NPAS3: variants seen among roughly 807,000 people sequenced by gnomAD.
The protein encoded by NPAS3 is neuronal PAS domain-containing protein 3.
NPAS3 carries 14 observed loss-of-function variants against 73.1 expected under a neutral mutation model. The ratio of observed to expected loss-of-function variants is 0.19; its 90% confidence interval spans 0.13 to 0.30. The LOEUF (loss-of-function observed/expected upper bound fraction) is 0.30. NPAS3 is among the 10% of genes least tolerant of loss of function. NPAS3 has a pLI of 1.00. For missense variants in NPAS3, 1,096 were observed against 1,250.0 expected, an observed-to-expected ratio of 0.88 and a Z score of 1.86; for synonymous variants, 620 against 541.5, an observed-to-expected ratio of 1.14 and a Z score of -2.01.
intron 3 of NPAS3, among the ~76,000 whole-genome samples, chr14:33,320,360 G>A (rs1380206975): frequency 6.6e-6 from 1 of 152,042 alleles, no homozygotes; most frequent in African/African-American, 2.4e-5. Context: ...GTTCTTAGAA[G>A]GATTCCAACA....
At chr14:33,057,314 A>T (rs1299139491) in intron 2 of NPAS3, among the ~76,000 whole-genome samples, 1 of 152,090 alleles carries the variant, frequency 6.6e-6, no homozygotes. Flanking sequence ...TCATCATTTT[A>T]AAAAATTCTT....
At chr14:33,299,572 A>G (rs768855292) in intron 3 of NPAS3, among the ~76,000 whole-genome samples, 17 of 143,600 alleles carry the variant, frequency 1.2e-4, no homozygotes, top group African/African-American at 4.5e-4. Context: ...ATAAAACCCT[A>G]TCTGAAATCC....
chr14:33,332,644 T>A (rs2044038315), intron 3 of NPAS3, among the ~76,000 whole-genome samples: 1 of 152,194 alleles, frequency 6.6e-6, no homozygotes, highest in Admixed American at 6.5e-5. Flanking sequence ...TTTGGATGTC[T>A]CATACTGGGA....
chr14:33,250,731 C>T (rs543544375), intron 3 of NPAS3, among the ~76,000 whole-genome samples: 52 of 151,958 alleles, frequency 3.4e-4, no homozygotes, highest in Middle Eastern at 6.8e-3. Context: ...TTTTGTTTTA[C>T]GGTTGCTCAT....
chr14:33,793,839 A>G, intron 9 of NPAS3, 58 bp from the exon 10 acceptor site: 3 of 1,544,304 alleles, frequency 1.9e-6, no homozygotes, highest in Non-Finnish European at 2.6e-6. Context: ...AAAAAAAAAA[A>G]AAAAGTTATT....
At chr14:33,530,502 AAAT>A (rs1159720247) in intron 4 of NPAS3, among the ~76,000 whole-genome samples, 1 of 152,112 alleles carries the variant, frequency 6.6e-6, no homozygotes, top group East Asian at 1.9e-4. Context: ...TGAGCCACTA[AAAT>A]ATCGCTTTGG....
At position 33,233,050 on chromosome 14, in the gene NPAS3, A is replaced by G. The variant is rs73254932; in HGVS notation, c.385+17624A>G. 1.8e-3 allele frequency among the ~76,000 whole-genome samples: 277 copies of G among 152,304 alleles called. 2 individuals are homozygous for G. The highest frequency in any genetic ancestry group is 6.6e-3 in the African/African-American group (274 of 41,578). On this transcript the variant is annotated intron_variant, in intron 3 of 11. Coordinates refer to ENST00000356141, the Ensembl canonical transcript of NPAS3. Reference sequence around the variant, plus strand: ...TGCTGATGTTAGTCATCTGATTTGCAGAGAACTAGAACTAATAACCTTTTC... The same window carrying G: ...TGCTGATGTTAGTCATCTGATTTGCGGAGAACTAGAACTAATAACCTTTTC...
rs191550675 is a variant in NPAS3, at chr14:33,472,839, G to C, written c.469-87282G>C. ...AATGTGTGCAAAGCAGAAAAAAAAA[G>C]ACATTTATTATTGATATGATTATAT... On this transcript the variant is annotated intron_variant, in intron 4 of 11. Transcript: ENST00000356141. Among the ~76,000 whole-genome samples, 49 of 150,724 alleles carry C rather than the reference G, an allele frequency of 3.3e-4. 6 individuals are homozygous for C. The highest frequency in any genetic ancestry group is 1.2e-3 in the African/African-American group (48 of 40,154).
chr14:33,271,925 A>T (rs2041106550), intron 3 of NPAS3, among the ~76,000 whole-genome samples: 1 of 152,170 alleles, frequency 6.6e-6, no homozygotes, highest in Non-Finnish European at 1.5e-5. Flanking sequence ...AGAAAAAAAA[A>T]GATCAAGCTG....
intron 5 of NPAS3, among the ~76,000 whole-genome samples, chr14:33,568,021 G>A (rs1025389848): frequency 3.3e-5 from 5 of 152,114 alleles, no homozygotes; most frequent in Admixed American, 6.5e-5. Context: ...TGTATGAATC[G>A]AAAACCTACA....
chr14:33,541,932 T>TC (rs1243986458), intron 4 of NPAS3, among the ~76,000 whole-genome samples: 2 of 152,172 alleles, frequency 1.3e-5, no homozygotes, highest in Admixed American at 1.3e-4. Flanking sequence ...AATTTTTTTT[T>TC]CTTTATAACA....
intron 3 of NPAS3, among the ~76,000 whole-genome samples, chr14:33,307,995 G>T (rs1021919268): frequency 6.6e-6 from 1 of 151,988 alleles, no homozygotes; most frequent in Non-Finnish European, 1.5e-5. Context: ...CTTGGGTCCC[G>T]CTGCAACATT....
At chr14:32,945,958 A>G (rs910663198) in intron 1 of NPAS3, among the ~76,000 whole-genome samples, 6 of 152,186 alleles carry the variant, frequency 3.9e-5, no homozygotes, top group East Asian at 3.8e-4. Context: ...TCTTCTGCTC[A>G]TATAATTCAT....
intron 8 of NPAS3, among the ~76,000 whole-genome samples, chr14:33,775,745 C>T (rs548402836): frequency 2.0e-5 from 3 of 152,256 alleles, no homozygotes; most frequent in African/African-American, 7.2e-5. Context: ...ATCGTGACAT[C>T]GTGGGTATGT....
intron 4 of NPAS3, among the ~76,000 whole-genome samples, chr14:33,516,327 A>G (rs2053295200): frequency 6.6e-6 from 1 of 152,106 alleles, no homozygotes; most frequent in Admixed American, 6.6e-5. Flanking sequence ...GTTTCAAGGG[A>G]GGCTTTTAGA....
chr14:33,473,108 A>G (rs2050861654), intron 4 of NPAS3, among the ~76,000 whole-genome samples: 1 of 152,184 alleles, frequency 6.6e-6, no homozygotes, highest in Admixed American at 6.5e-5. Flanking sequence ...GATTTTGCAG[A>G]GTAGGCCTGG....
At chr14:33,189,155 C>T (rs898596383) in intron 2 of NPAS3, among the ~76,000 whole-genome samples, 1 of 152,118 alleles carries the variant, frequency 6.6e-6, no homozygotes, top group Non-Finnish European at 1.5e-5. Context: ...AGGTCATAGG[C>T]CTAAACAATT....
intron 7 of NPAS3, among the ~76,000 whole-genome samples, chr14:33,759,690 G>C (rs1398110484): frequency 1.3e-5 from 2 of 152,158 alleles, no homozygotes; most frequent in African/African-American, 4.8e-5. Flanking sequence ...AGGCTGCGTA[G>C]TCTTTATAAC....
chr14:33,252,459 A>G (rs867222186), intron 3 of NPAS3, among the ~76,000 whole-genome samples: 1 of 151,986 alleles, frequency 6.6e-6, no homozygotes, highest in East Asian at 1.9e-4. Context: ...ACAGTGTAGT[A>G]GGTATTCTTA....
Sources: allele counts gnomAD v4.1 joint callset (sites outside exome capture counted in the v4.1 genomes callset), GRCh38; gene constraint gnomAD v4.1.1; transcripts MANE v1.5; gene names NCBI Gene and HGNC (gene_info 2026-07-23, HGNC 2026-07-21).